DLC1: variants seen among roughly 807,000 people sequenced by gnomAD.
DLC1 encodes DLC1 Rho GTPase activating protein, also known as rho GTPase-activating protein 7.
A neutral mutation model predicts 140.3 loss-of-function variants in DLC1; 54 were observed. The observed-to-expected ratio is 0.38, with a 90% CI of 0.31 to 0.48. The LOEUF is 0.48. Among genes scored for constraint, DLC1 ranks in the 20% least tolerant of loss-of-function variants. The probability of loss-of-function intolerance (pLI) is 0.96; values close to 1 mark genes in which losing one functional copy is unlikely to be tolerated. For synonymous variants in DLC1, 986 were observed against 728.1 expected, an observed-to-expected ratio of 1.35 and a Z score of -5.70; for missense variants, 2,536 against 1,907.0, an observed-to-expected ratio of 1.33 and a Z score of -6.14.
chr8:13,252,288 TG>T (rs1164673804), intron 5 of DLC1, among the ~76,000 whole-genome samples: 3 of 152,096 alleles, frequency 2.0e-5, no homozygotes, highest in Non-Finnish European at 2.9e-5. Flanking sequence ...TCTCCAGTGA[TG>T]GGTAAAGAGA....
chr8:13,282,334 T>G (rs966885673), intron 5 of DLC1, among the ~76,000 whole-genome samples: 3 of 152,176 alleles, frequency 2.0e-5, no homozygotes, highest in African/African-American at 7.2e-5. Flanking sequence ...AGCAGAGAGG[T>G]AGGAAATAAA....
chr8:13,092,559 AG>A, intron 13 of DLC1, 52 bp downstream of exon 13: 4 of 1,573,474 alleles, frequency 2.5e-6, no homozygotes, highest in African/African-American at 1.3e-5. Context: ...GGAGAGTCCT[AG>A]GAAGAATGTA....
intron 5 of DLC1, among the ~76,000 whole-genome samples, chr8:13,141,459 A>G (rs1822987911): frequency 6.6e-6 from 1 of 152,122 alleles, no homozygotes; most frequent in African/African-American, 2.4e-5. Flanking sequence ...CAATGCTAAG[A>G]TGGCTATTTT....
chr8:13,376,146 C>T (rs1835972907), intron 4 of DLC1, among the ~76,000 whole-genome samples: 1 of 152,152 alleles, frequency 6.6e-6, no homozygotes, highest in African/African-American at 2.4e-5. Context: ...AGAAACTGAT[C>T]ACATGATTTC....
At chr8:13,517,019 C>A (rs956023606), upstream of DLC1, among the ~76,000 whole-genome samples, 1 of 152,094 alleles carries the variant, frequency 6.6e-6, no homozygotes, top group Non-Finnish European at 1.5e-5. Flanking sequence ...CTAATAGTTT[C>A]TCTTTAAAAA....
intron 5 of DLC1, chr8:13,304,466 G>A (rs1431165702): frequency 5.7e-6 from 1 of 175,300 alleles, no homozygotes; most frequent in Non-Finnish European, 1.1e-5. Flanking sequence ...CACTGACATA[G>A]ACAGCAAACA....
chr8:13,365,292 G>A (rs1179939944), intron 4 of DLC1, among the ~76,000 whole-genome samples: 1 of 152,150 alleles, frequency 6.6e-6, no homozygotes, highest in Non-Finnish European at 1.5e-5. Context: ...AATGCAGTGA[G>A]TCAGATGTCC....
chr8:13,389,520 T>A (rs1836661026), intron 4 of DLC1, among the ~76,000 whole-genome samples: 1 of 152,144 alleles, frequency 6.6e-6, no homozygotes, highest in Non-Finnish European at 1.5e-5. Context: ...GCCTCTTCTT[T>A]TTTCTAATGT....
chr8:13,499,701 T>C lies in DLC1; in HGVS notation c.371A>G (p.Asp124Gly), dbSNP rs746414771. The C allele has an allele frequency of 5.6e-6, 9 of 1,614,032 alleles. No individual in the cohort carries two copies. The East Asian group carries it at 8.9e-5, about 16-fold the overall frequency. The change falls in exon 2 of 18, where the codon GAT (aspartate) becomes GGT (glycine). Residue 124 changes from aspartate to glycine, a missense_variant. Physicochemically the swap from Asp to Gly is moderately conservative, Grantham distance 94 (BLOSUM62 -1). Transcript: ENST00000276297. ...DNNADLCLTD[D>G]KQVLNTQGQK... Reference sequence around the variant, plus strand: ...CCCTTGGGTATTTAAAACCTGTTTATCATCTGTAAGGCATAAATCAGCATT... The same window carrying C: ...CCCTTGGGTATTTAAAACCTGTTTACCATCTGTAAGGCATAAATCAGCATT...
intron 5 of DLC1, among the ~76,000 whole-genome samples, chr8:13,271,539 T>C (rs1830931018): frequency 6.6e-6 from 1 of 152,336 alleles, no homozygotes; most frequent in Admixed American, 6.5e-5. Flanking sequence ...GCAAAATACC[T>C]CAGGGGATTT....
intron 13 of DLC1, among the ~76,000 whole-genome samples, chr8:13,091,982 C>T (rs898193236): frequency 6.6e-6 from 1 of 152,228 alleles, no homozygotes. Context: ...CGCAGTGGCT[C>T]ACGCCTGTAA....
intron 4 of DLC1, among the ~76,000 whole-genome samples, chr8:13,387,178 G>A (rs1836560431): frequency 1.3e-5 from 2 of 151,892 alleles, no homozygotes; most frequent in South Asian, 4.1e-4. Flanking sequence ...TAACATATGT[G>A]ACATAAAATA....
chr8:13,544,156 C>G (rs760815773), intron 1 of DLC1, among the ~76,000 whole-genome samples: 1 of 150,820 alleles, frequency 6.6e-6, no homozygotes, highest in Non-Finnish European at 1.5e-5. Context: ...TAATTTTTCT[C>G]TCTCTCTCCT....
intron 1 of DLC1, among the ~76,000 whole-genome samples, chr8:13,522,754 G>GAATGAGGAT (rs1194758449): frequency 2.6e-5 from 4 of 152,226 alleles, no homozygotes; most frequent in East Asian, 3.9e-4. Context: ...GGAGGGTGTG[G>GAATGAGGAT]AATGAGGATT....
intron 4 of DLC1, among the ~76,000 whole-genome samples, chr8:13,388,995 G>A (rs1419377034): frequency 2.0e-5 from 3 of 151,986 alleles, no homozygotes; most frequent in African/African-American, 7.2e-5. Context: ...CTGAGCCTGT[G>A]AATCCCTGTA....
At chr8:13,589,514 A>G (rs1805445998) in intron 1 of DLC1, among the ~76,000 whole-genome samples, 1 of 152,050 alleles carries the variant, frequency 6.6e-6, no homozygotes, top group African/African-American at 2.4e-5. Flanking sequence ...TCATTTTGCA[A>G]CGCAGAATCC....
chr8:13,124,417 T>C (rs1454537019), intron 5 of DLC1, among the ~76,000 whole-genome samples: 1 of 152,230 alleles, frequency 6.6e-6, no homozygotes, highest in Non-Finnish European at 1.5e-5. Flanking sequence ...AGTCTGGATT[T>C]ACTACAATAC....
At chr8:13,565,992 G>T (rs557150647) in intron 1 of DLC1, among the ~76,000 whole-genome samples, 1 of 152,204 alleles carries the variant, frequency 6.6e-6, no homozygotes, top group African/African-American at 2.4e-5. Context: ...CTGGACGTGT[G>T]TAAGGTAAGA....
Position 13,112,423 on chromosome 8 carries a change from G to A in DLC1, c.1421-1600C>T, listed in dbSNP as rs543281894. Among the ~76,000 whole-genome samples the A allele has an allele frequency of 3.3e-5, 5 of 151,522 alleles. No homozygotes were observed. The East Asian group carries it at 9.7e-4, about 29-fold the overall frequency. ...AGTTATAGTCTATCCTTTTTTTTCTGAAGGCTACAGTTGGATTACTGACAT... is the reference window on the plus strand; with the variant it reads ...AGTTATAGTCTATCCTTTTTTTTCTAAAGGCTACAGTTGGATTACTGACAT... On this transcript the variant is annotated intron_variant, in intron 6 of 17. Transcript: ENST00000276297.
Sources: allele counts gnomAD v4.1 joint callset (sites outside exome capture counted in the v4.1 genomes callset), GRCh38; gene constraint gnomAD v4.1.1; transcripts MANE v1.5; gene names NCBI Gene and HGNC (gene_info 2026-07-23, HGNC 2026-07-21).